Variants in STK39 observed in about 807,000 individuals in gnomAD.
STK39 encodes the protein serine/threonine kinase 39.
STK39 carries 20 observed loss-of-function variants against 77.8 expected under a neutral mutation model. The ratio of observed to expected loss-of-function variants is 0.26; its 90% CI spans 0.18 to 0.37. The LOEUF (loss-of-function observed/expected upper bound fraction) is 0.37. Ranked by LOEUF, STK39 falls within the 10% of genes least tolerant of loss-of-function variation. The pLI is 1.00. For synonymous variants in STK39, 246 were observed against 234.1 expected (o/e 1.05, Z -0.47); for missense variants, 479 against 656.5 (o/e 0.73, Z 2.95).
intron 16 of STK39, among the ~76,000 whole-genome samples, chr2:167,972,455 T>C (rs74444556): frequency 0.037 from 5,598 of 152,280 alleles, 364 homozygotes; most frequent in African/African-American, 0.13. Flanking sequence ...GGGAGCTTGA[T>C]CTTGTAACCA....
intron 1 of STK39, among the ~76,000 whole-genome samples, chr2:168,242,458 A>G (rs1690782648): frequency 6.7e-6 from 1 of 149,844 alleles, no homozygotes; most frequent in South Asian, 2.1e-4. Flanking sequence ...CTGAGGCAGG[A>G]GAACTGCTTG....
chr2:168,196,073 T>C (rs1689462139), intron 1 of STK39, among the ~76,000 whole-genome samples: 1 of 152,230 alleles, frequency 6.6e-6, no homozygotes, highest in Admixed American at 6.5e-5. Context: ...GGGAAGAAGT[T>C]ATCAAACACA....
chr2:168,100,418 T>C (rs903030788), intron 10 of STK39, among the ~76,000 whole-genome samples: 1 of 151,920 alleles, frequency 6.6e-6, no homozygotes, highest in Middle Eastern at 3.2e-3. Flanking sequence ...GTGTCTTCAT[T>C]TATTTATTTA....
At chr2:167,986,127 G>A (rs1683550768) in intron 16 of STK39, among the ~76,000 whole-genome samples, 1 of 152,188 alleles carries the variant, frequency 6.6e-6, no homozygotes, top group South Asian at 2.1e-4. Flanking sequence ...CTTAGTTGGG[G>A]TGGGGGAAGC....
chr2:168,122,389 T>C (rs1233700325), intron 10 of STK39, among the ~76,000 whole-genome samples: 1 of 152,208 alleles, frequency 6.6e-6, no homozygotes, highest in African/African-American at 2.4e-5. Flanking sequence ...GGCTGTGTAG[T>C]ATTCCATAGT....
In STK39 at chr2:168,186,605, C is replaced by T. The variant is rs114266426; in HGVS notation, c.209-4515G>A. Among the ~76,000 whole-genome samples the T allele has an allele frequency of 3.5e-3, 536 of 152,276 alleles. 3 individuals are homozygous for T. The highest frequency in any genetic ancestry group is 0.012 in the African/African-American group (509 of 41,550). The stretch of plus-strand genomic sequence containing the variant: ...TGGTATTGATTCCCTCTGTGACTTT[C>T]GACCTAACTGCTATCTAGACTTCAG... On this transcript the variant is annotated intron_variant, in intron 1 of 17. Transcript: ENST00000355999.
intron 10 of STK39, among the ~76,000 whole-genome samples, chr2:168,118,382 T>C (rs931316862): frequency 6.6e-6 from 1 of 152,112 alleles, no homozygotes; most frequent in African/African-American, 2.4e-5. Context: ...ACAGTATCTC[T>C]TACAATAATT....
chr2:168,209,761 G>A (rs1336031638), intron 1 of STK39, among the ~76,000 whole-genome samples: 1 of 152,202 alleles, frequency 6.6e-6, no homozygotes, highest in African/African-American at 2.4e-5. Context: ...CAGTTTGGGA[G>A]GCCGAGGCAG....
intron 16 of STK39, among the ~76,000 whole-genome samples, chr2:167,980,826 C>CT (rs1022801168): frequency 6.8e-6 from 1 of 146,826 alleles, no homozygotes; most frequent in Non-Finnish European, 1.5e-5. Context: ...ATTTCTTCTT[C>CT]TTTTTTTAAA....
At chr2:168,031,625 C>T (rs1188851528) in intron 14 of STK39, among the ~76,000 whole-genome samples, 1 of 152,040 alleles carries the variant, frequency 6.6e-6, no homozygotes, top group Non-Finnish European at 1.5e-5. Context: ...GGACAGGTGT[C>T]GTTATAAGAA....
At chr2:168,048,907 C>T (rs551043670) in intron 14 of STK39, among the ~76,000 whole-genome samples, 1 of 152,330 alleles carries the variant, frequency 6.6e-6, no homozygotes, top group South Asian at 2.1e-4. Context: ...CAGCGTCACA[C>T]AGACTAAATG....
chr2:167,970,036 C>T (rs1692286649), intron 16 of STK39, among the ~76,000 whole-genome samples: 1 of 152,178 alleles, frequency 6.6e-6, no homozygotes, highest in Admixed American at 6.5e-5. Context: ...TGCCCAGAAC[C>T]TCTGTACCTG....
chr2:168,162,870 T>C (rs1688609394), intron 4 of STK39, among the ~76,000 whole-genome samples: 1 of 151,502 alleles, frequency 6.6e-6, no homozygotes, highest in South Asian at 2.1e-4. Flanking sequence ...CTACTAAAAA[T>C]ACAAAAATTA....
At chr2:168,214,766 C>G (rs1689984361) in intron 1 of STK39, among the ~76,000 whole-genome samples, 1 of 152,130 alleles carries the variant, frequency 6.6e-6, no homozygotes, top group Non-Finnish European at 1.5e-5. Context: ...AAAAGAAAGT[C>G]AAGAAATAAT....
intron 10 of STK39, among the ~76,000 whole-genome samples, chr2:168,106,814 C>A (rs893841394): frequency 6.6e-6 from 1 of 152,008 alleles, no homozygotes; most frequent in African/African-American, 2.4e-5. Context: ...AAAGTGAGAA[C>A]CTGTCTCAAA....
intron 15 of STK39, among the ~76,000 whole-genome samples, chr2:168,013,051 C>A (rs76085631): frequency 6.6e-6 from 1 of 152,162 alleles, no homozygotes; most frequent in African/African-American, 2.4e-5. Flanking sequence ...AAGGTTAATC[C>A]CACCTACCAT....
chr2:168,023,848 G>A (rs74447936), intron 14 of STK39, among the ~76,000 whole-genome samples: 8,252 of 152,218 alleles, frequency 0.054, 324 homozygotes, highest in Non-Finnish European at 0.074. Context: ...CTCTGTAAGA[G>A]TGCCAGGGAT....
intron 10 of STK39, among the ~76,000 whole-genome samples, chr2:168,082,243 A>G (rs530705576): frequency 2.0e-5 from 3 of 152,246 alleles, no homozygotes; most frequent in Admixed American, 2.0e-4. Flanking sequence ...TCTCTCTTAT[A>G]CTTCTACCAA....
At chr2:168,177,052 G>A (rs778154971) in intron 2 of STK39, among the ~76,000 whole-genome samples, 2 of 152,112 alleles carry the variant, frequency 1.3e-5, no homozygotes, top group Non-Finnish European at 2.9e-5. Flanking sequence ...CAGTTCTGTA[G>A]GGGAGTCAAG....
Sources: allele counts gnomAD v4.1 joint callset (sites outside exome capture counted in the v4.1 genomes callset), GRCh38; gene constraint gnomAD v4.1.1; transcripts MANE v1.5; gene names NCBI Gene and HGNC (gene_info 2026-07-23, HGNC 2026-07-21).